RASGRF2: variants seen among roughly 807,000 people sequenced by gnomAD.
The protein encoded by RASGRF2 is ras-specific guanine nucleotide-releasing factor 2.
Under a neutral mutation model 151.0 loss-of-function variants are expected in RASGRF2, and 76 were observed. The observed-to-expected ratio is 0.50, with a 90% CI of 0.42 to 0.61. The LOEUF is 0.61. RASGRF2 is among the 20% of genes least tolerant of loss of function. The pLI is 0.00. For missense variants in RASGRF2, 1,148 were observed against 1,564.6 expected (o/e 0.73, Z 4.49); for synonymous variants, 504 against 566.5 (o/e 0.89, Z 1.57).
At chr5:81,007,051 C>G (rs767728604) in intron 1 of RASGRF2, among the ~76,000 whole-genome samples, 1 of 152,190 alleles carries the variant, frequency 6.6e-6, no homozygotes, top group Non-Finnish European at 1.5e-5. Flanking sequence ...CATTAACCAT[C>G]TGTACCTCAT....
rs530396991 is a variant in RASGRF2 at position 81,092,288 on chromosome 5, A to T, written c.1391-513A>T. 8.0e-5 allele frequency among the ~76,000 whole-genome samples: 12 copies of T among 149,244 alleles called. No homozygotes were observed. The East Asian group carries it at 2.4e-3, about 29-fold the overall frequency. On this transcript the variant is annotated intron_variant, in intron 9 of 26. Transcript: ENST00000265080. ...TCTTAGCTAAATTTCACTGAATTATATAATTTATATATTTTTATAATATAC... is the reference window on the plus strand; with the variant it reads ...TCTTAGCTAAATTTCACTGAATTATTTAATTTATATATTTTTATAATATAC...
chr5:81,200,177 G>A (rs901093322), intron 18 of RASGRF2, among the ~76,000 whole-genome samples: 4 of 150,674 alleles, frequency 2.7e-5, no homozygotes, highest in African/African-American at 7.3e-5. Context: ...AGGCTGAGGT[G>A]GGGGACCCCC....
At chr5:81,205,881 G>C (rs2112721840) in intron 19 of RASGRF2, among the ~76,000 whole-genome samples, 1 of 152,232 alleles carries the variant, frequency 6.6e-6, no homozygotes, top group Non-Finnish European at 1.5e-5. Context: ...CTCCCGAGTA[G>C]CTGGGACTAC....
Position 81,201,402 on chromosome 5 carries a change from C to T in RASGRF2, c.2866C>T (p.Leu956Phe), listed in dbSNP as rs1755391296. The change falls in exon 19 of 27, where the codon CTT becomes TTT. Residue 956 changes from leucine (L) to phenylalanine (F), a missense_variant. Physicochemically the swap from Leu to Phe is conservative, Grantham distance 22. This residue lies in a region of RASGRF2 where 646 missense variants were observed against 807.4 expected (regional missense o/e 0.80). Coordinates refer to ENST00000265080, the MANE Select transcript of RASGRF2 (RefSeq NM_006909.3). ...AGAAGAAGTTTTGCGAGACCCAGAC[C>T]TTCTTCCCCAAGAAAGGAAAGCCGC... ...LLEEVLRDPD[L>F]LPQERKAAAN... 3 of 1,613,752 alleles carry T rather than the reference C, an allele frequency of 1.9e-6. No homozygotes were observed. The South Asian group carries it at 3.3e-5, about 18-fold the overall frequency.
chr5:81,182,844 T>G (rs753453847), intron 18 of RASGRF2, among the ~76,000 whole-genome samples: 1 of 152,218 alleles, frequency 6.6e-6, no homozygotes, highest in Non-Finnish European at 1.5e-5. Context: ...TTATCCAAGT[T>G]TATCTGCAGG....
chr5:81,015,562 G>A, intron 1 of RASGRF2, among the ~76,000 whole-genome samples: 1 of 151,604 alleles, frequency 6.6e-6, no homozygotes, highest in Admixed American at 6.6e-5. Flanking sequence ...CGTTTTATTT[G>A]TGGGCATGTG....
intron 1 of RASGRF2, among the ~76,000 whole-genome samples, chr5:80,988,998 G>A (rs1031577791): frequency 3.4e-5 from 5 of 148,676 alleles, no homozygotes; most frequent in African/African-American, 5.0e-5. Context: ...TTTTTTTTTA[G>A]ACAGAGTCTC....
chr5:81,081,791 G>A lies in RASGRF2; in HGVS notation c.1161+1002G>A, dbSNP rs749677734. On this transcript the variant is annotated intron_variant, in intron 7 of 26. Transcript: ENST00000265080. ...CCTGCTCGAAATCCTGGAAGTTGCC[G>A]TAGAAGTTTAGTCAGATTTTTAACC... 5.9e-5 allele frequency among the ~76,000 whole-genome samples: 9 copies of A among 152,176 alleles called. No individual in the cohort carries two copies. The East Asian group carries it at 1.2e-3, about 19-fold the overall frequency.
intron 17 of RASGRF2, among the ~76,000 whole-genome samples, chr5:81,149,646 A>T (rs2112617096): frequency 6.6e-6 from 1 of 151,878 alleles, no homozygotes; most frequent in Non-Finnish European, 1.5e-5. Flanking sequence ...AAAAAAAAAA[A>T]TCCACCCTCC....
intron 1 of RASGRF2, among the ~76,000 whole-genome samples, chr5:81,023,077 C>T (rs1269965805): frequency 1.6e-5 from 1 of 63,632 alleles, no homozygotes; most frequent in African/African-American, 7.0e-5. Flanking sequence ...GTTGTGAGTG[C>T]GGAGGGTAGA....
chr5:81,108,677 T>G (rs923932598), intron 12 of RASGRF2, among the ~76,000 whole-genome samples: 3 of 152,212 alleles, frequency 2.0e-5, no homozygotes, highest in African/African-American at 4.8e-5. Context: ...GCCAAAGAAT[T>G]GTGACAAAGT....
chr5:81,009,663 A>G (rs1298909444), intron 1 of RASGRF2, among the ~76,000 whole-genome samples: 1 of 152,248 alleles, frequency 6.6e-6, no homozygotes, highest in Non-Finnish European at 1.5e-5. Flanking sequence ...AACCTTCCAA[A>G]TGTTAAAATA....
chr5:81,197,688 T>G (rs2112707399), intron 18 of RASGRF2, among the ~76,000 whole-genome samples: 1 of 152,316 alleles, frequency 6.6e-6, no homozygotes, highest in East Asian at 1.9e-4. Flanking sequence ...CTCCAATCAT[T>G]TAAAAGGATT....
intron 1 of RASGRF2, chr5:80,997,710 C>T (rs936893796): frequency 6.6e-6 from 1 of 152,148 alleles, no homozygotes; most frequent in Admixed American, 6.5e-5. Context: ...TGGCTCAAGC[C>T]TGTAATCCCA....
intron 12 of RASGRF2, among the ~76,000 whole-genome samples, chr5:81,097,046 C>G (rs994621533): frequency 6.6e-6 from 1 of 152,014 alleles, no homozygotes; most frequent in African/African-American, 2.4e-5. Context: ...ACTGCAACCT[C>G]CACCTCCCAG....
chr5:81,177,803 C>G (rs1345110017), intron 17 of RASGRF2, among the ~76,000 whole-genome samples: 1 of 152,032 alleles, frequency 6.6e-6, no homozygotes, highest in Admixed American at 6.6e-5. Flanking sequence ...GTGGCTTTCA[C>G]TAAGTGAAAA....
At chr5:81,071,874 C>A (rs1184403143) in intron 4 of RASGRF2, among the ~76,000 whole-genome samples, 4 of 152,014 alleles carry the variant, frequency 2.6e-5, no homozygotes. Context: ...TCGGCAAGCA[C>A]CCCCTGCCCA....
chr5:81,081,138 A>T (rs1460850469), intron 7 of RASGRF2, among the ~76,000 whole-genome samples: 1 of 152,160 alleles, frequency 6.6e-6, no homozygotes, highest in East Asian at 1.9e-4. Flanking sequence ...CAGAAATAGG[A>T]TTCTGTGCAA....
chr5:81,102,316 A>T (rs1409729630), intron 12 of RASGRF2, among the ~76,000 whole-genome samples: 1 of 152,246 alleles, frequency 6.6e-6, no homozygotes, highest in Admixed American at 6.5e-5. Context: ...AAAAGAACCT[A>T]AAAAACTGTA....
Sources: gnomAD v4.1 joint callset for allele counts (sites outside exome capture counted in the v4.1 genomes callset) on GRCh38, gnomAD v4.1.1 for gene constraint, gnomAD v4.1.1 regional missense constraint, MANE v1.5 for transcripts, NCBI Gene and HGNC (gene_info 2026-07-23, HGNC 2026-07-21) for gene names.